The following GRIP2 variants were observed in gnomAD, a reference collection of about 807,000 sequenced individuals.
GRIP2 encodes glutamate receptor-interacting protein 2.
GRIP2 carries 58 observed loss-of-function variants against 108.3 expected under a neutral mutation model. The ratio of observed to expected loss-of-function variants is 0.54; its 90% confidence interval spans 0.43 to 0.67. The LOEUF (loss-of-function observed/expected upper bound fraction) is 0.67. Among genes scored for constraint, GRIP2 ranks in the 30% least tolerant of loss-of-function variants. The pLI is 0.00. For missense variants in GRIP2, 1,278 were observed against 1,430.6 expected (o/e 0.89, Z 1.72); for synonymous variants, 586 against 598.2 (o/e 0.98, Z 0.30).
chr3:14,522,865 A>T lies in GRIP2; in HGVS notation c.566+135T>A. 1.4e-6 allele frequency: 1 copy of T among 721,128 alleles called. No individual in the cohort carries two copies. The highest frequency in any genetic ancestry group is 1.6e-5 in the South Asian group (1 of 63,072). The allele number at this position is 721,128 out of a possible 1,614,324, so 44.7% of individuals were successfully genotyped here. The stretch of plus-strand genomic sequence containing the variant: ...TTCCATCAACAACTCCCTGAATGAC[A>T]CCGGGCAGGGAGTGTTCCCTCAGGG... On this transcript the variant is annotated intron_variant, in intron 6 of 23. Coordinates refer to ENST00000621039, the MANE Select transcript of GRIP2 (RefSeq NM_001080423.4). This position sits in a 1 kb window ranked among gnomAD's most constrained non-coding sequence, Gnocchi z 4.3.
rs1306324181 is a variant in GRIP2 at position 14,491,354 on chromosome 3, G to A, written c.*2311C>T. 6.6e-6 allele frequency: 1 copy of A among 152,244 alleles called. No individual in the cohort carries two copies. Among genetic ancestry groups the A allele is most frequent in the Non-Finnish European group, 1.5e-5 (1 of 68,080 alleles). 9.4% of individuals were successfully genotyped at this position (152,244 alleles called of 1,614,324 possible). A position where few individuals can be genotyped will look rare whatever the true frequency, so the allele number is the denominator to read the frequency against. ...CCGATGTAGAAAAATACTTTACAAG[G>A]AATGTGTTCTAATCTCAGCCAGAGA... On this transcript the variant is annotated 3_prime_UTR_variant, in exon 24 of 24. Transcript: ENST00000621039.
At position 14,492,970 on chromosome 3, in the gene GRIP2, C is replaced by T. The variant is rs1007738270; in HGVS notation, c.*695G>A. On this transcript the variant is annotated 3_prime_UTR_variant, in exon 24 of 24. Transcript: ENST00000621039. ...CAAAGGGCCAGCACTTCCTGGGATCCCAGACGCCCCAACTTAAGAGTCTCA... is the reference window on the plus strand; with the variant it reads ...CAAAGGGCCAGCACTTCCTGGGATCTCAGACGCCCCAACTTAAGAGTCTCA... 2.0e-5 allele frequency: 3 copies of T among 152,194 alleles called. No homozygotes were observed. Among genetic ancestry groups the T allele is most frequent in the Admixed American group, 6.5e-5 (1 of 15,280 alleles). 9.4% of individuals were successfully genotyped at this position (152,194 alleles called of 1,614,324 possible).
chr3:14,537,983 A>G (rs1277811892), intron 1 of GRIP2, among the ~76,000 whole-genome samples: 2 of 152,194 alleles, frequency 1.3e-5, no homozygotes, highest in Non-Finnish European at 2.9e-5. Flanking sequence ...AGCCTGGGCC[A>G]ATGGAGATAG....
intron 1 of GRIP2, 179 bp from the exon 2 acceptor site, chr3:14,526,110 C>T (rs989025213): frequency 7.9e-6 from 5 of 632,390 alleles, no homozygotes; most frequent in African/African-American, 1.8e-5. Context: ...CCAAAGAAAG[C>T]CTGGCCCCTG....
chr3:14,567,904 T>G, the GRIP2 span, among the ~76,000 whole-genome samples: 2 of 152,230 alleles, frequency 1.3e-5, no homozygotes, highest in Non-Finnish European at 2.9e-5. Flanking sequence ...GGGAGGTCTC[T>G]GTGATCAAGT....
Position 14,521,571 on chromosome 3 carries a change from T to C in GRIP2, c.712+71A>G. The C allele has an allele frequency of 7.4e-6, 11 of 1,482,176 alleles. No homozygotes were observed. The highest frequency in any genetic ancestry group is 1.4e-5 in the South Asian group (1 of 73,826). 91.8% of individuals were successfully genotyped at this position (1,482,176 alleles called of 1,614,324 possible). On this transcript the variant is annotated intron_variant, in intron 7 of 23. Transcript: ENST00000621039. The surrounding 1 kb of genome is among the most constrained non-coding windows in gnomAD (Gnocchi z 5.1). The stretch of plus-strand genomic sequence containing the variant: ...CAGCCTTTGCAGTGGTAAAGATCCA[T>C]GGCCACTGCCACCTCCCCCCATCCC...
intron 1 of GRIP2, among the ~76,000 whole-genome samples, chr3:14,552,784 G>A (rs1015195471): frequency 6.6e-6 from 1 of 152,012 alleles, no homozygotes; most frequent in Non-Finnish European, 1.5e-5. Flanking sequence ...GTAGTGATGG[G>A]GTTTCACCAT....
In GRIP2 at chr3:14,499,438, C is replaced by T. The variant is rs530361873; in HGVS notation, c.2680-2878G>A. On this transcript the variant is annotated intron_variant, in intron 21 of 23. Coordinates refer to ENST00000621039, the MANE Select transcript of GRIP2 (RefSeq NM_001080423.4). ...GTGAAGTCAAAAGAAACTTGAGAAC[C>T]GGCATGGTGGCTCACACCTGTAATC... 3.3e-5 allele frequency among the ~76,000 whole-genome samples: 5 copies of T among 152,112 alleles called. No individual in the cohort carries two copies. The East Asian group carries it at 5.8e-4, about 18-fold the overall frequency.
the GRIP2 span, among the ~76,000 whole-genome samples, chr3:14,590,935 T>C: frequency 6.6e-6 from 1 of 152,210 alleles, no homozygotes; most frequent in Non-Finnish European, 1.5e-5. Flanking sequence ...TGGTAACTGA[T>C]TTTTTAAGCC....
the GRIP2 span, among the ~76,000 whole-genome samples, chr3:14,579,672 C>T: frequency 6.6e-6 from 1 of 151,992 alleles, no homozygotes; most frequent in South Asian, 2.1e-4. Flanking sequence ...GGCGTTCAGT[C>T]TCCCGCCTTC....
chr3:14,495,117 C>T, intron 22 of GRIP2, 128 bp from the exon 23 acceptor site: 1 of 1,235,158 alleles, frequency 8.1e-7, no homozygotes, highest in Non-Finnish European at 1.1e-6. Context: ...CTGCAGCACC[C>T]CAGCCTCTTG....
chr3:14,587,661 CA>C, the GRIP2 span, among the ~76,000 whole-genome samples: 2 of 147,060 alleles, frequency 1.4e-5, no homozygotes, highest in African/African-American at 2.5e-5. Context: ...AAAAACAAAA[CA>C]AAAAAAACCC....
chr3:14,504,382 A>C (rs997889896), intron 20 of GRIP2, among the ~76,000 whole-genome samples: 8 of 138,906 alleles, frequency 5.8e-5, no homozygotes, highest in African/African-American at 2.2e-4. Flanking sequence ...CATGATCTCG[A>C]CTCACTGCAA....
Position 14,511,733 on chromosome 3 carries a change from T to C in GRIP2, c.1721-254A>G, listed in dbSNP as rs946945478. Among the ~76,000 whole-genome samples, 1 of 152,196 alleles carries C rather than the reference T, an allele frequency of 6.6e-6. No individual in the cohort carries two copies. The highest frequency in any genetic ancestry group is 1.5e-5 in the Non-Finnish European group (1 of 68,042). On this transcript the variant is annotated intron_variant, in intron 14 of 23. Coordinates refer to ENST00000621039, the MANE Select transcript of GRIP2 (RefSeq NM_001080423.4). This position sits in a 1 kb window ranked among gnomAD's most constrained non-coding sequence, Gnocchi z 4.1. The stretch of plus-strand genomic sequence containing the variant: ...TAAACCAGATAACACAGGCACAAGA[T>C]CCAGCATGGCCCTTCCAATGCCAGC...
At chr3:14,495,178 C>T (rs1283235686) in intron 22 of GRIP2, among the ~76,000 whole-genome samples, 189 bp from the exon 23 acceptor site, 3 of 151,972 alleles carry the variant, frequency 2.0e-5, no homozygotes, top group African/African-American at 7.3e-5. Flanking sequence ...CAACCTCCCT[C>T]AGCAGATGCT....
intron 3 of GRIP2, among the ~76,000 whole-genome samples, chr3:14,525,126 G>A (rs1042881979): frequency 2.0e-5 from 3 of 152,208 alleles, no homozygotes; most frequent in Non-Finnish European, 4.4e-5. Context: ...GAGTGTGCCA[G>A]GAGGATGCTG....
chr3:14,527,497 A>T (rs181840920), intron 1 of GRIP2, among the ~76,000 whole-genome samples: 1 of 152,158 alleles, frequency 6.6e-6, no homozygotes, highest in Non-Finnish European at 1.5e-5. Context: ...CTTGGCCCCA[A>T]CCAGGACCTG....
the GRIP2 span, among the ~76,000 whole-genome samples, chr3:14,567,022 T>TTGAATGAA: frequency 2.5e-4 from 38 of 151,938 alleles, no homozygotes; most frequent in Middle Eastern, 6.8e-3. Context: ...AAGGACTCAC[T>TTGAATGAA]TGAATGAATG....
chr3:14,549,216 C>T (rs756617825), intron 1 of GRIP2, among the ~76,000 whole-genome samples: 60 of 152,372 alleles, frequency 3.9e-4, no homozygotes, highest in Non-Finnish European at 7.6e-4. Flanking sequence ...ATCAACAATT[C>T]ATCCCTTCTA....
Sources: allele counts gnomAD v4.1 joint callset (sites outside exome capture counted in the v4.1 genomes callset), GRCh38; gene constraint gnomAD v4.1.1; non-coding constraint Gnocchi (gnomAD v3.1); transcripts MANE v1.5; gene names NCBI Gene and HGNC (gene_info 2026-07-23, HGNC 2026-07-21).